PACS1: variants seen among roughly 807,000 people sequenced by gnomAD.
PACS1 encodes the protein phosphofurin acidic cluster sorting protein 1.
A neutral mutation model predicts 115.0 loss-of-function variants in PACS1; 24 were observed. The observed-to-expected ratio is 0.21, with a 90% CI of 0.15 to 0.29. PACS1 has a LOEUF of 0.29. Among genes scored for constraint, PACS1 ranks in the 10% least tolerant of loss-of-function variants. The pLI is 1.00. For missense variants in PACS1, 838 were observed against 1,251.2 expected, an observed-to-expected ratio of 0.67 and a Z score of 4.98; for synonymous variants, 453 against 504.5, an observed-to-expected ratio of 0.90 and a Z score of 1.37.
intron 1 of PACS1, among the ~76,000 whole-genome samples, chr11:66,144,295 T>TACA (rs1173523908): frequency 6.6e-6 from 1 of 152,200 alleles, no homozygotes; most frequent in Non-Finnish European, 1.5e-5. Context: ...TAGGGTAAGG[T>TACA]ACAGCACTAT....
At chr11:66,242,211 A>G (rs1590845061) in intron 22 of PACS1, among the ~76,000 whole-genome samples, 1 of 152,132 alleles carries the variant, frequency 6.6e-6, no homozygotes, top group Non-Finnish European at 1.5e-5. Context: ...TGGCTGGGCC[A>G]GTGCTGCGGC....
intron 1 of PACS1, among the ~76,000 whole-genome samples, chr11:66,175,628 C>T (rs991124509): frequency 2.8e-4 from 42 of 152,178 alleles, no homozygotes; most frequent in African/African-American, 1.0e-3. Context: ...CCATCAGTCC[C>T]AGTGGCCTTT....
intron 5 of PACS1, 95 bp from the exon 6 acceptor site, chr11:66,216,425 T>G: frequency 7.0e-7 from 1 of 1,435,708 alleles, no homozygotes; most frequent in Non-Finnish European, 9.8e-7. Flanking sequence ...CTGGCTGTGT[T>G]TCCACCCAAA....
intron 2 of PACS1, among the ~76,000 whole-genome samples, chr11:66,205,592 A>G (rs1854916156): frequency 6.6e-6 from 1 of 151,796 alleles, no homozygotes; most frequent in South Asian, 2.1e-4. Flanking sequence ...ATGAAAAATA[A>G]CAGCTTATTT....
intron 2 of PACS1, among the ~76,000 whole-genome samples, chr11:66,194,713 C>T (rs989179816): frequency 1.3e-5 from 2 of 152,116 alleles, no homozygotes; most frequent in Non-Finnish European, 2.9e-5. Context: ...TTACTGAATT[C>T]TTATTCATTG....
chr11:66,225,558 G>T (rs1855455095), intron 10 of PACS1, among the ~76,000 whole-genome samples: 1 of 152,164 alleles, frequency 6.6e-6, no homozygotes, highest in South Asian at 2.1e-4. Flanking sequence ...TCATTTCACA[G>T]TGTATCCATA....
intron 1 of PACS1, among the ~76,000 whole-genome samples, chr11:66,081,431 A>AAAACAAAAC (rs200174480): frequency 1.3e-5 from 2 of 151,954 alleles, no homozygotes; most frequent in Non-Finnish European, 2.9e-5. Flanking sequence ...CCCCCCAACC[A>AAAACAAAAC]AAACAAAACA....
intron 1 of PACS1, among the ~76,000 whole-genome samples, chr11:66,172,959 A>T (rs1370395083): frequency 4.1e-5 from 6 of 145,224 alleles, no homozygotes; most frequent in African/African-American, 1.6e-4. Context: ...CTGGTGACAC[A>T]GCGAGACTCT....
At chr11:66,232,913 T>G (rs771841013) in intron 14 of PACS1, 47 bp from the exon 15 acceptor site, 2 of 1,369,134 alleles carry the variant, frequency 1.5e-6, no homozygotes. Flanking sequence ...TGTGAAGGAG[T>G]GATGTGTTCT....
chr11:66,109,770 G>C (rs1190094802), intron 1 of PACS1, among the ~76,000 whole-genome samples: 1 of 152,106 alleles, frequency 6.6e-6, no homozygotes, highest in East Asian at 1.9e-4. Flanking sequence ...TGAACCTTTA[G>C]TTCTCTCTCC....
At chr11:66,189,193 A>G (rs1382376910) in intron 1 of PACS1, among the ~76,000 whole-genome samples, 14 of 152,208 alleles carry the variant, frequency 9.2e-5, no homozygotes, top group Admixed American at 9.2e-4. Flanking sequence ...TTGAGTCCCC[A>G]AGTACCCTTG....
At chr11:66,106,639 G>A (rs188729053) in intron 1 of PACS1, among the ~76,000 whole-genome samples, 3 of 152,186 alleles carry the variant, frequency 2.0e-5, no homozygotes, top group Admixed American at 2.0e-4. Context: ...CTACTGGGTG[G>A]AGGTGAAGAG....
At chr11:66,098,823 T>C (rs1277901165) in intron 1 of PACS1, among the ~76,000 whole-genome samples, 1 of 152,104 alleles carries the variant, frequency 6.6e-6, no homozygotes, top group African/African-American at 2.4e-5. Context: ...TCTTATAGTA[T>C]TTCCTTATGA....
chr11:66,243,100 T>C (rs1855848575), intron 23 of PACS1, 65 bp from the exon 24 acceptor site: 2 of 1,612,024 alleles, frequency 1.2e-6, no homozygotes, highest in Non-Finnish European at 1.7e-6. Flanking sequence ...CAATGGCCTT[T>C]CCCAAGGGGC....
intron 1 of PACS1, among the ~76,000 whole-genome samples, chr11:66,145,265 C>T (rs781028215): frequency 2.0e-5 from 3 of 152,152 alleles, no homozygotes. Context: ...GGGGTTACTC[C>T]CATCCCTTCC....
chr11:66,117,789 G>A (rs1330561056), intron 1 of PACS1, among the ~76,000 whole-genome samples: 1 of 151,920 alleles, frequency 6.6e-6, no homozygotes, highest in Non-Finnish European at 1.5e-5. Context: ...AGGTTGCAGT[G>A]AGCCGAGATT....
intron 1 of PACS1, among the ~76,000 whole-genome samples, chr11:66,099,280 T>C (rs1857857675): frequency 6.6e-6 from 1 of 151,900 alleles, no homozygotes; most frequent in Admixed American, 6.6e-5. Context: ...CTGCAGTGCA[T>C]TGGCACAATC....
Position 66,233,965 on chromosome 11 carries a change from C to T in PACS1, c.1993+26C>T, listed in dbSNP as rs894700355. 1.1e-5 allele frequency: 18 copies of T among 1,566,220 alleles called. No individual in the cohort carries two copies. Among genetic ancestry groups the T allele is most frequent in the African/African-American group, 6.8e-5 (5 of 73,962 alleles). ...GTAAAGACGGGAGGCACCAGGAGGGCGTCGGGCATGAGGGTTCCATAGACA... is the reference window on the plus strand; with the variant it reads ...GTAAAGACGGGAGGCACCAGGAGGGTGTCGGGCATGAGGGTTCCATAGACA... On this transcript the variant is annotated intron_variant, in intron 16 of 23. Transcript: ENST00000320580. This position sits in a 1 kb window ranked among gnomAD's most constrained non-coding sequence, Gnocchi z 4.5.
chr11:66,075,928 G>A (rs867853024), intron 1 of PACS1, among the ~76,000 whole-genome samples: 7 of 151,966 alleles, frequency 4.6e-5, no homozygotes, highest in African/African-American at 1.7e-4. Context: ...TAGTAGAGAC[G>A]GGGTTTTACC....
Sources: allele counts gnomAD v4.1 joint callset (sites outside exome capture counted in the v4.1 genomes callset), GRCh38; gene constraint gnomAD v4.1.1; non-coding constraint Gnocchi (gnomAD v3.1); transcripts MANE v1.5; gene names NCBI Gene and HGNC (gene_info 2026-07-23, HGNC 2026-07-21).